Variants in CDK6 observed in about 807,000 individuals in gnomAD.
CDK6 encodes the protein cyclin-dependent kinase 6.
In CDK6, 6 loss-of-function variants were observed where a neutral mutation model predicts 37.1. That is an observed-to-expected ratio of 0.16 (90% CI 0.09 to 0.32). The LOEUF (loss-of-function observed/expected upper bound fraction) is 0.32, where lower values mean the gene tolerates loss of function less well. CDK6 is among the 10% of genes least tolerant of loss of function. The pLI, the probability that CDK6 is intolerant of heterozygous loss-of-function variation, is 1.00. For missense variants in CDK6, 224 were observed against 418.9 expected (o/e 0.53, Z 4.06); for synonymous variants, 160 against 161.3 (o/e 0.99, Z 0.06).
intron 4 of CDK6, chr7:92,710,753 G>T (rs1798069672): frequency 2.0e-6 from 2 of 985,120 alleles, no homozygotes; most frequent in Non-Finnish European, 1.2e-6. Flanking sequence ...TGTTTCTACT[G>T]CCATGGAACA....
chr7:92,636,286 C>G (rs1252233618), intron 5 of CDK6, among the ~76,000 whole-genome samples: 1 of 152,134 alleles, frequency 6.6e-6, no homozygotes, highest in African/African-American at 2.4e-5. Flanking sequence ...TTTCGAACTC[C>G]TGAGCTCAAG....
At chr7:92,775,005 T>C (rs369846554) in intron 2 of CDK6, among the ~76,000 whole-genome samples, 174 bp from the exon 3 acceptor site, 2 of 152,206 alleles carry the variant, frequency 1.3e-5, no homozygotes, top group Non-Finnish European at 2.9e-5. Flanking sequence ...AATAACAACA[T>C]GAAGTTCAGG....
intron 3 of CDK6, among the ~76,000 whole-genome samples, chr7:92,754,874 A>G (rs1187965795): frequency 6.6e-6 from 1 of 152,100 alleles, no homozygotes; most frequent in Non-Finnish European, 1.5e-5. Flanking sequence ...GAGCCCACCA[A>G]TTTTAACTAC....
intron 3 of CDK6, among the ~76,000 whole-genome samples, chr7:92,760,771 G>A (rs887681658): frequency 5.3e-5 from 8 of 151,952 alleles, no homozygotes; most frequent in African/African-American, 1.9e-4. Flanking sequence ...CCCAAAATGG[G>A]ATCATATTGT....
At chr7:92,631,128 A>G (rs747626613) in intron 5 of CDK6, among the ~76,000 whole-genome samples, 3 of 152,180 alleles carry the variant, frequency 2.0e-5, no homozygotes, top group Non-Finnish European at 4.4e-5. Flanking sequence ...GAATTCGTTC[A>G]TGAGTAGGAA....
At chr7:92,807,548 T>C (rs1195631208) in intron 2 of CDK6, among the ~76,000 whole-genome samples, 2 of 151,694 alleles carry the variant, frequency 1.3e-5, no homozygotes, top group East Asian at 1.9e-4. Context: ...TATATAGATA[T>C]ATATCAATAT....
intron 4 of CDK6, among the ~76,000 whole-genome samples, chr7:92,719,853 G>A (rs1265135013): frequency 6.6e-6 from 1 of 152,122 alleles, no homozygotes; most frequent in African/African-American, 2.4e-5. Context: ...CTGGGTGTTG[G>A]CAATCACCTG....
intron 2 of CDK6, among the ~76,000 whole-genome samples, chr7:92,799,550 A>G (rs987818641): frequency 1.3e-5 from 2 of 151,126 alleles, no homozygotes; most frequent in Non-Finnish European, 2.9e-5. Flanking sequence ...TCTATTTAAT[A>G]TACAGGGTCC....
At chr7:92,820,723 C>T (rs1202756153) in intron 2 of CDK6, among the ~76,000 whole-genome samples, 3 of 152,004 alleles carry the variant, frequency 2.0e-5, no homozygotes, top group Admixed American at 6.6e-5. Flanking sequence ...GGTAAGTCCT[C>T]ATTTTTCAGA....
At chr7:92,732,989 A>G (rs1319513596) in intron 3 of CDK6, among the ~76,000 whole-genome samples, 1 of 152,250 alleles carries the variant, frequency 6.6e-6, no homozygotes, top group Admixed American at 6.5e-5. Flanking sequence ...AGTTATGTAT[A>G]TAATAATGCC....
chr7:92,612,275 T>C lies in CDK6; in HGVS notation c.*2865A>G. On this transcript the variant is annotated 3_prime_UTR_variant, in exon 8 of 8. Coordinates refer to ENST00000424848, the MANE Select transcript of CDK6 (RefSeq NM_001145306.2). The stretch of plus-strand genomic sequence containing the variant: ...AATCTGTCACAATATTTTAACTTGC[T>C]ATGAGCTGCTTCAGTGTAACCTTGG... 1 of 233,194 alleles carries C rather than the reference T, an allele frequency of 4.3e-6. No homozygotes were observed. Among genetic ancestry groups the C allele is most frequent in the Non-Finnish European group, 8.5e-6 (1 of 117,964 alleles). 14.4% of individuals were successfully genotyped at this position (233,194 alleles called of 1,614,324 possible).
intron 4 of CDK6, among the ~76,000 whole-genome samples, chr7:92,715,409 C>T (rs187284976): frequency 3.9e-5 from 6 of 152,312 alleles, no homozygotes; most frequent in Admixed American, 2.6e-4. Flanking sequence ...AATTCTCCTA[C>T]GCTTTCCCCT....
chr7:92,659,272 A>G (rs973550556), intron 5 of CDK6, among the ~76,000 whole-genome samples: 1 of 152,180 alleles, frequency 6.6e-6, no homozygotes, highest in Non-Finnish European at 1.5e-5. Context: ...AAAAGTCTGA[A>G]CTGAGATGTG....
chr7:92,772,409 A>G (rs750542306), intron 3 of CDK6, among the ~76,000 whole-genome samples: 3 of 152,212 alleles, frequency 2.0e-5, no homozygotes, highest in Non-Finnish European at 4.4e-5. Context: ...TCCACCTCGT[A>G]TCTGACAATT....
chr7:92,710,765 CAGATGG>C, intron 4 of CDK6: 1 of 985,252 alleles, frequency 1.0e-6, no homozygotes, highest in Non-Finnish European at 1.2e-6. Context: ...CATGGAACAC[CAGATGG>C]AGAGGTGGGG....
chr7:92,811,847 TG>T (rs1338672158), intron 2 of CDK6, among the ~76,000 whole-genome samples: 1 of 152,082 alleles, frequency 6.6e-6, no homozygotes, highest in Non-Finnish European at 1.5e-5. Flanking sequence ...ACTAAGTACT[TG>T]ACAAGTATCA....
rs1242484280 is a variant in CDK6, at chr7:92,805,149, C to A, written c.233+27942G>T. On this transcript the variant is annotated intron_variant, in intron 2 of 7. Transcript: ENST00000424848. ...ACATAGCCTATGCCCTTAAAGTAGG[C>A]ATACTAAGAGGGGCATGGCTAGACT... 2.0e-5 allele frequency among the ~76,000 whole-genome samples: 3 copies of A among 152,156 alleles called. No individual in the cohort carries two copies. The South Asian group carries it at 6.2e-4, about 31-fold the overall frequency.
intron 4 of CDK6, among the ~76,000 whole-genome samples, chr7:92,677,073 T>C (rs1335502570): frequency 1.3e-5 from 2 of 152,214 alleles, no homozygotes; most frequent in Non-Finnish European, 2.9e-5. Context: ...AATTTAGATA[T>C]CTCGTTTTTA....
chr7:92,624,091 C>T (rs2116497045), intron 5 of CDK6, among the ~76,000 whole-genome samples: 1 of 152,176 alleles, frequency 6.6e-6, no homozygotes, highest in East Asian at 1.9e-4. Context: ...TATGGAGAAT[C>T]CTGCAGTCAT....
Sources: gnomAD v4.1 joint callset for allele counts (sites outside exome capture counted in the v4.1 genomes callset) on GRCh38, gnomAD v4.1.1 for gene constraint, MANE v1.5 for transcripts, NCBI Gene and HGNC (gene_info 2026-07-23, HGNC 2026-07-21) for gene names.